Variants in CAMKMT observed in about 807,000 individuals in gnomAD.
The protein encoded by CAMKMT is CaM KMT.
Under a neutral mutation model 48.0 loss-of-function variants are expected in CAMKMT, and 53 were observed. The observed-to-expected ratio is 1.10, with a 90% CI of 0.89 to 1.39. The LOEUF (loss-of-function observed/expected upper bound fraction) is 1.39. Ranked by LOEUF, CAMKMT falls within the 40% of genes most tolerant of loss-of-function variation. The probability of loss-of-function intolerance (pLI) is 0.00; values close to 1 mark genes in which losing one functional copy is unlikely to be tolerated. For synonymous variants in CAMKMT, 165 were observed against 152.3 expected (o/e 1.08, Z -0.61); for missense variants, 428 against 402.7 (o/e 1.06, Z -0.54).
In CAMKMT at chr2:44,573,777, A is replaced by G. The variant is rs1414509711; in HGVS notation, c.377-130506A>G. ...GTAAAATTCCAAATTTATTTTTTCT[A>G]TGTGGATATTCATTTGTTCAAACCA... On this transcript the variant is annotated intron_variant, in intron 3 of 10. Coordinates refer to ENST00000378494, the MANE Select transcript of CAMKMT (RefSeq NM_024766.5). Among the ~76,000 whole-genome samples the G allele has an allele frequency of 2.0e-5, 3 of 152,036 alleles. No homozygotes were observed. In the East Asian group the frequency reaches 5.8e-4, roughly 29 times the overall value.
At chr2:44,548,448 C>A (rs1221054662) in intron 3 of CAMKMT, among the ~76,000 whole-genome samples, 2 of 152,246 alleles carry the variant, frequency 1.3e-5, no homozygotes, top group Non-Finnish European at 2.9e-5. Context: ...CTGTGGTAGG[C>A]AGAATTCTAA....
chr2:44,706,655 T>TA (rs1677582152), intron 5 of CAMKMT, among the ~76,000 whole-genome samples: 1 of 150,222 alleles, frequency 6.7e-6, no homozygotes, highest in Non-Finnish European at 1.5e-5. Flanking sequence ...TTTGCTAAGA[T>TA]ACAGGAATAG....
At chr2:44,677,436 A>G (rs961308528) in intron 3 of CAMKMT, among the ~76,000 whole-genome samples, 1 of 152,220 alleles carries the variant, frequency 6.6e-6, no homozygotes, top group African/African-American at 2.4e-5. Flanking sequence ...TTAAATCCCA[A>G]CTTCCTCATC....
At chr2:44,747,862 A>G (rs1459861574) in intron 8 of CAMKMT, among the ~76,000 whole-genome samples, 1 of 152,152 alleles carries the variant, frequency 6.6e-6, no homozygotes, top group African/African-American at 2.4e-5. Flanking sequence ...AGTGAATTAT[A>G]TAGAGGTCTG....
intron 3 of CAMKMT, among the ~76,000 whole-genome samples, chr2:44,652,176 A>G (rs1674105955): frequency 6.6e-6 from 1 of 152,238 alleles, no homozygotes; most frequent in Non-Finnish European, 1.5e-5. Flanking sequence ...TTTCACCATG[A>G]CAAATGATCT....
At chr2:44,543,202 A>G (rs1047523947) in intron 3 of CAMKMT, among the ~76,000 whole-genome samples, 2 of 152,198 alleles carry the variant, frequency 1.3e-5, no homozygotes, top group Admixed American at 6.5e-5. Context: ...TGAAGACCTT[A>G]AGAGAAAAGC....
chr2:44,573,778 T>C (rs571749346), intron 3 of CAMKMT, among the ~76,000 whole-genome samples: 3 of 152,310 alleles, frequency 2.0e-5, no homozygotes, highest in Admixed American at 2.0e-4. Flanking sequence ...ATTTTTTCTA[T>C]GTGGATATTC....
chr2:44,607,945 T>C (rs541499318), intron 3 of CAMKMT, among the ~76,000 whole-genome samples: 1 of 152,194 alleles, frequency 6.6e-6, no homozygotes, highest in East Asian at 1.9e-4. Context: ...TTATTCCACT[T>C]ATATCTCCAT....
intron 6 of CAMKMT, among the ~76,000 whole-genome samples, chr2:44,714,721 G>A (rs1678074691): frequency 6.6e-6 from 1 of 152,114 alleles, no homozygotes; most frequent in South Asian, 2.1e-4. Flanking sequence ...GTAGGACATG[G>A]CACCTATGGG....
intron 2 of CAMKMT, among the ~76,000 whole-genome samples, chr2:44,374,869 G>A (rs1679523285): frequency 6.6e-6 from 1 of 151,928 alleles, no homozygotes; most frequent in South Asian, 2.1e-4. Flanking sequence ...CCACATTAGT[G>A]CAAAAATAAC....
At chr2:44,599,590 T>A (rs1420702585) in intron 3 of CAMKMT, among the ~76,000 whole-genome samples, 2 of 152,094 alleles carry the variant, frequency 1.3e-5, no homozygotes, top group African/African-American at 4.8e-5. Context: ...AATTTAAAGA[T>A]CAATCTATGT....
intron 3 of CAMKMT, among the ~76,000 whole-genome samples, chr2:44,502,443 T>C (rs1381189988): frequency 1.3e-5 from 2 of 152,178 alleles, no homozygotes; most frequent in African/African-American, 4.8e-5. Context: ...CCTTTTAACT[T>C]TCTTTAAAAA....
intron 10 of CAMKMT, among the ~76,000 whole-genome samples, chr2:44,771,021 C>T (rs1329554637): frequency 6.6e-6 from 1 of 152,198 alleles, no homozygotes; most frequent in Non-Finnish European, 1.5e-5. Flanking sequence ...ATAGTGACAG[C>T]ATGTCCATGT....
intron 3 of CAMKMT, among the ~76,000 whole-genome samples, chr2:44,619,134 G>A (rs1672042640): frequency 6.6e-6 from 1 of 152,172 alleles, no homozygotes; most frequent in Non-Finnish European, 1.5e-5. Context: ...TGTCTTAAAC[G>A]ATGGAAACAG....
chr2:44,677,480 G>A (rs568093173), intron 3 of CAMKMT, among the ~76,000 whole-genome samples: 1 of 152,258 alleles, frequency 6.6e-6, no homozygotes, highest in East Asian at 1.9e-4. Flanking sequence ...GTCCAGAGTA[G>A]CCAGGCCACA....
intron 3 of CAMKMT, among the ~76,000 whole-genome samples, chr2:44,495,325 T>G (rs1214795096): frequency 6.6e-6 from 1 of 151,980 alleles, no homozygotes; most frequent in Non-Finnish European, 1.5e-5. Flanking sequence ...ATTTTTTTGG[T>G]AGCGGTCAGG....
chr2:44,415,438 C>T (rs1313080521), intron 3 of CAMKMT, among the ~76,000 whole-genome samples: 2 of 152,168 alleles, frequency 1.3e-5, no homozygotes, highest in East Asian at 1.9e-4. Flanking sequence ...ATCAGTCTTG[C>T]CAGTCCTATG....
intron 3 of CAMKMT, among the ~76,000 whole-genome samples, chr2:44,415,534 T>G (rs1210587074): frequency 6.6e-6 from 1 of 152,202 alleles, no homozygotes; most frequent in Non-Finnish European, 1.5e-5. Context: ...TGGCAATAAT[T>G]TCTTTGAGTC....
intron 3 of CAMKMT, among the ~76,000 whole-genome samples, chr2:44,410,606 C>T (rs1444384462): frequency 6.7e-6 from 1 of 150,336 alleles, no homozygotes; most frequent in African/African-American, 2.5e-5. Flanking sequence ...AACATAGACT[C>T]TGATGACTGT....
Sources: gnomAD v4.1 joint callset for allele counts (sites outside exome capture counted in the v4.1 genomes callset) on GRCh38, gnomAD v4.1.1 for gene constraint, MANE v1.5 for transcripts, NCBI Gene and HGNC (gene_info 2026-07-23, HGNC 2026-07-21) for gene names.